Variants in SLC22A23 observed in about 807,000 individuals in gnomAD.
SLC22A23 encodes solute carrier family 22 member 23.
In SLC22A23, 26 loss-of-function variants were observed where a neutral mutation model predicts 61.0. The ratio of observed to expected loss-of-function variants is 0.43; its 90% CI spans 0.31 to 0.59. The LOEUF (loss-of-function observed/expected upper bound fraction) is 0.59. SLC22A23 is among the 20% of genes least tolerant of loss of function. The pLI is 0.11. For missense variants in SLC22A23, 796 were observed against 934.7 expected (o/e 0.85, Z 1.94); for synonymous variants, 430 against 413.9 (o/e 1.04, Z -0.47).
chr6:3,420,352 G>C (rs1228420862), intron 1 of SLC22A23, among the ~76,000 whole-genome samples: 1 of 152,048 alleles, frequency 6.6e-6, no homozygotes, highest in Non-Finnish European at 1.5e-5. Flanking sequence ...TGACTTGCCA[G>C]AGTGGAGAAA....
chr6:3,342,734 G>A lies in SLC22A23; in HGVS notation c.914-18732C>T, dbSNP rs1197168146. Among the ~76,000 whole-genome samples, 3 of 152,158 alleles carry A rather than the reference G, an allele frequency of 2.0e-5. No homozygotes were observed. Among genetic ancestry groups the A allele is most frequent in the African/African-American group, 7.2e-5 (3 of 41,416 alleles). On this transcript the variant is annotated intron_variant, in intron 3 of 9. Coordinates refer to ENST00000406686, the MANE Select transcript of SLC22A23 (RefSeq NM_015482.2). The surrounding 1 kb of genome is among the most constrained non-coding windows in gnomAD (Gnocchi z 4.0). ...AAATAACACCTTCACATTAGTGCTG[G>A]GGATGAAAACCTTTTCCTCCACCCT...
In SLC22A23 at chr6:3,435,909, G is replaced by C. The variant is rs145604961; in HGVS notation, c.654+19997C>G. ...AGAGGGAGGACCACGTGGGGACAGA[G>C]GGAGAAGACGCCATCTGCAAGCCAA... On this transcript the variant is annotated intron_variant, in intron 1 of 9. Coordinates refer to ENST00000406686, the MANE Select transcript of SLC22A23 (RefSeq NM_015482.2). Among the ~76,000 whole-genome samples, 1,165 of 152,318 alleles carry C rather than the reference G, an allele frequency of 7.6e-3. 7 individuals carry two copies. Among genetic ancestry groups the C allele is most frequent in the Non-Finnish European group, 0.012 (831 of 68,024 alleles).
At chr6:3,450,008 A>AT (rs1772090944) in intron 1 of SLC22A23, among the ~76,000 whole-genome samples, 1 of 152,236 alleles carries the variant, frequency 6.6e-6, no homozygotes, top group African/African-American at 2.4e-5. Flanking sequence ...CATCTCCAGC[A>AT]TAAGTGAAAA....
intron 9 of SLC22A23, among the ~76,000 whole-genome samples, chr6:3,281,663 T>C (rs1229065510): frequency 1.3e-5 from 2 of 151,994 alleles, no homozygotes; most frequent in Non-Finnish European, 2.9e-5. Flanking sequence ...AGTGGGGGGA[T>C]GGTAGGGGAG....
intron 7 of SLC22A23, among the ~76,000 whole-genome samples, chr6:3,285,641 C>T (rs906402164): frequency 7.9e-5 from 12 of 152,266 alleles, no homozygotes; most frequent in Non-Finnish European, 1.5e-4. Flanking sequence ...AGCTGGGGAA[C>T]GGGGATGGAG....
chr6:3,305,240 C>T (rs1303497600), intron 4 of SLC22A23, among the ~76,000 whole-genome samples: 1 of 152,176 alleles, frequency 6.6e-6, no homozygotes, highest in Non-Finnish European at 1.5e-5. Flanking sequence ...GATTACACAG[C>T]TATTTAATGG....
rs150820607 is a variant in SLC22A23 at position 3,289,264 on chromosome 6, C to T, written c.1313+500G>A. On this transcript the variant is annotated intron_variant, in intron 6 of 9. Coordinates refer to ENST00000406686, the MANE Select transcript of SLC22A23 (RefSeq NM_015482.2). ...ACCCAGCAGGCGGGGCGACCTGGGC[C>T]GGTGAGGGCCCTGGGAGGAGGTCTG... 9.1e-3 allele frequency among the ~76,000 whole-genome samples: 1,389 copies of T among 152,356 alleles called. 16 individuals are homozygous for T. The highest frequency in any genetic ancestry group is 0.031 in the African/African-American group (1,303 of 41,584).
rs1767605178 is a variant in SLC22A23 at position 3,390,657 on chromosome 6, T to C, written c.913+19531A>G. ...GGGCCACTATGGTTCTATTTCACTATGGATCAGTTCAATGCACCAAAAGCT... is the reference window on the plus strand; with the variant it reads ...GGGCCACTATGGTTCTATTTCACTACGGATCAGTTCAATGCACCAAAAGCT... On this transcript the variant is annotated intron_variant, in intron 3 of 9. Transcript: ENST00000406686. This position sits in a 1 kb window ranked among gnomAD's most constrained non-coding sequence, Gnocchi z 4.0. Among the ~76,000 whole-genome samples, 1 of 152,228 alleles carries C rather than the reference T, an allele frequency of 6.6e-6. No individual in the cohort carries two copies. The highest frequency in any genetic ancestry group is 6.5e-5 in the Admixed American group (1 of 15,288).
intron 1 of SLC22A23, among the ~76,000 whole-genome samples, chr6:3,448,061 C>T (rs1348160338): frequency 6.6e-6 from 1 of 151,796 alleles, no homozygotes; most frequent in Non-Finnish European, 1.5e-5. Flanking sequence ...CACCACCATG[C>T]CCAGCTAATT....
At chr6:3,298,017 A>G (rs1407421903) in intron 5 of SLC22A23, 74 bp downstream of exon 5, 7 of 1,429,334 alleles carry the variant, frequency 4.9e-6, no homozygotes, top group Admixed American at 5.8e-5. Flanking sequence ...TGTTTGTGCA[A>G]CAAAACCAGC....
In SLC22A23 at chr6:3,386,598, G is replaced by A. The variant is rs749172290; in HGVS notation, c.913+23590C>T. Among the ~76,000 whole-genome samples the A allele has an allele frequency of 1.9e-4, 29 of 152,240 alleles. No homozygotes were observed. The highest frequency in any genetic ancestry group is 2.6e-4 in the Non-Finnish European group (18 of 68,034). On this transcript the variant is annotated intron_variant, in intron 3 of 9. Coordinates refer to ENST00000406686, the MANE Select transcript of SLC22A23 (RefSeq NM_015482.2). This position sits in a 1 kb window ranked among gnomAD's most constrained non-coding sequence, Gnocchi z 4.4. The stretch of plus-strand genomic sequence containing the variant: ...GGAGGCTGCTTGCTCCTCAGTAGCC[G>A]TGCCAAGCGTGGCTGGGGACAGCCC...
chr6:3,422,710 T>C (rs903975229), intron 1 of SLC22A23, among the ~76,000 whole-genome samples: 5 of 152,176 alleles, frequency 3.3e-5, no homozygotes, highest in African/African-American at 1.2e-4. Context: ...CGGGGAAATT[T>C]TTTCTCTTTT....
At chr6:3,339,376 C>A (rs1764029183) in intron 3 of SLC22A23, among the ~76,000 whole-genome samples, 1 of 152,132 alleles carries the variant, frequency 6.6e-6, no homozygotes, top group African/African-American at 2.4e-5. Context: ...AGTTCCCAAG[C>A]CCTGGTCCTG....
At chr6:3,315,592 A>G (rs747899396) in intron 4 of SLC22A23, among the ~76,000 whole-genome samples, 1 of 152,156 alleles carries the variant, frequency 6.6e-6, no homozygotes, top group South Asian at 2.1e-4. Context: ...TCGGCTGGGC[A>G]TGGTGGCTCA....
chr6:3,431,682 A>G lies in SLC22A23; in HGVS notation c.655-15827T>C, dbSNP rs758090828. Among the ~76,000 whole-genome samples, 5 of 152,354 alleles carry G rather than the reference A, an allele frequency of 3.3e-5. No homozygotes were observed. The South Asian group carries it at 6.2e-4, about 19-fold the overall frequency. ...AAAAGAGGTCATTTGAGAGCACCTG[A>G]GAAGCACTCCTAAATGAGGAGATGT... On this transcript the variant is annotated intron_variant, in intron 1 of 9. Transcript: ENST00000406686.
intron 3 of SLC22A23, among the ~76,000 whole-genome samples, chr6:3,409,305 C>T (rs1343422914): frequency 6.6e-6 from 1 of 152,126 alleles, no homozygotes; most frequent in African/African-American, 2.4e-5. Flanking sequence ...AAAACTATGT[C>T]CTGAATGGAT....
chr6:3,434,086 G>A (rs753649147), intron 1 of SLC22A23, among the ~76,000 whole-genome samples: 81 of 152,154 alleles, frequency 5.3e-4, no homozygotes, highest in Non-Finnish European at 1.1e-3. Context: ...AGGCCGAGGC[G>A]ATGGATCACC....
chr6:3,420,844 C>G (rs1298552788), intron 1 of SLC22A23, among the ~76,000 whole-genome samples: 2 of 152,144 alleles, frequency 1.3e-5, no homozygotes, highest in Non-Finnish European at 2.9e-5. Flanking sequence ...GTGGCCCACG[C>G]ATATAATCCC....
At chr6:3,401,337 CAAAACA>C (rs1223637632) in intron 3 of SLC22A23, among the ~76,000 whole-genome samples, 1 of 151,084 alleles carries the variant, frequency 6.6e-6, no homozygotes, top group African/African-American at 2.4e-5. Context: ...GATTCCATCT[CAAAACA>C]AAAACAAAAA....
Sources: gnomAD v4.1 joint callset for allele counts (sites outside exome capture counted in the v4.1 genomes callset) on GRCh38, gnomAD v4.1.1 for gene constraint, Gnocchi (gnomAD v3.1) non-coding constraint, MANE v1.5 for transcripts, NCBI Gene and HGNC (gene_info 2026-07-23, HGNC 2026-07-21) for gene names.